Variants in ZBTB20 observed in about 807,000 individuals in gnomAD.
ZBTB20 encodes zinc finger and BTB domain-containing protein 20.
Under a neutral mutation model 56.9 loss-of-function variants are expected in ZBTB20, and 9 were observed. The observed-to-expected ratio is 0.16, with a 90% confidence interval of 0.10 to 0.28. ZBTB20 has a LOEUF of 0.28. Among genes scored for constraint, ZBTB20 ranks in the 10% least tolerant of loss-of-function variants. The pLI, the probability that ZBTB20 is intolerant of heterozygous loss-of-function variation, is 1.00. For synonymous variants in ZBTB20, 417 were observed against 420.7 expected, an observed-to-expected ratio of 0.99 and a Z score of 0.11; for missense variants, 655 against 1,003.0, an observed-to-expected ratio of 0.65 and a Z score of 4.69.
At chr3:114,778,692 G>A (rs2069826024) in intron 5 of ZBTB20, among the ~76,000 whole-genome samples, 1 of 152,132 alleles carries the variant, frequency 6.6e-6, no homozygotes, top group Non-Finnish European at 1.5e-5. Context: ...AAGTAGAAAT[G>A]CTGGCTGCGT....
intron 6 of ZBTB20, among the ~76,000 whole-genome samples, chr3:114,677,860 T>TA (rs2061723452): frequency 6.6e-6 from 1 of 152,220 alleles, no homozygotes; most frequent in Non-Finnish European, 1.5e-5. Context: ...TCTCTCTGCC[T>TA]ACTCTTTCTT....
At chr3:115,068,860 T>G (rs2082302300) in intron 2 of ZBTB20, among the ~76,000 whole-genome samples, 1 of 151,980 alleles carries the variant, frequency 6.6e-6, no homozygotes, top group African/African-American at 2.4e-5. Context: ...TCACTGTAGA[T>G]AGTATTGCAT....
chr3:114,796,195 C>A (rs140114500), intron 5 of ZBTB20, among the ~76,000 whole-genome samples: 1,755 of 151,726 alleles, frequency 0.012, 16 homozygotes, highest in South Asian at 0.042. Context: ...CTGTCCAGGT[C>A]AAGGAAAGAA....
intron 7 of ZBTB20, among the ~76,000 whole-genome samples, chr3:114,404,184 T>C (rs1225746676): frequency 6.6e-6 from 1 of 152,182 alleles, no homozygotes; most frequent in Non-Finnish European, 1.5e-5. Flanking sequence ...CCTTCCTTTC[T>C]TTGTATATCA....
intron 6 of ZBTB20, among the ~76,000 whole-genome samples, chr3:114,573,172 A>T (rs1300598203): frequency 6.6e-6 from 1 of 152,116 alleles, no homozygotes; most frequent in African/African-American, 2.4e-5. Context: ...TTCTAAAGAA[A>T]ATGAGGGCCA....
intron 2 of ZBTB20, among the ~76,000 whole-genome samples, chr3:115,039,204 A>T (rs950356798): frequency 3.5e-4 from 53 of 152,094 alleles, no homozygotes; most frequent in African/African-American, 1.2e-3. Flanking sequence ...GTGATACATG[A>T]CCCAGAAGCA....
chr3:114,516,431 T>C lies in ZBTB20; in HGVS notation c.-294-16040A>G, dbSNP rs58043610. 4.9e-3 allele frequency among the ~76,000 whole-genome samples: 750 copies of C among 152,336 alleles called. 6 individuals are homozygous for C. Among genetic ancestry groups the C allele is most frequent in the African/African-American group, 0.017 (708 of 41,570 alleles). ...TTTAATATTACCACATCAATTTCCA[T>C]ATAGAATCATAAATCTATACGTTAT... On this transcript the variant is annotated intron_variant, in intron 6 of 11. Coordinates refer to ENST00000675478, the MANE Select transcript of ZBTB20 (RefSeq NM_001348800.3).
chr3:115,080,199 A>C (rs72945747), intron 1 of ZBTB20, among the ~76,000 whole-genome samples: 3,228 of 152,284 alleles, frequency 0.021, 47 homozygotes, highest in South Asian at 0.05. Flanking sequence ...CACAATGAAG[A>C]GTTAGCAGTC....
intron 6 of ZBTB20, among the ~76,000 whole-genome samples, chr3:114,542,674 T>C (rs528580273): frequency 6.6e-6 from 1 of 152,350 alleles, no homozygotes; most frequent in East Asian, 1.9e-4. Context: ...ATTTGAGGTC[T>C]AGCAGACTGC....
At chr3:114,993,748 G>A (rs1263288784) in intron 2 of ZBTB20, among the ~76,000 whole-genome samples, 1 of 151,862 alleles carries the variant, frequency 6.6e-6, no homozygotes, top group Non-Finnish European at 1.5e-5. Flanking sequence ...CCTGTGGGAT[G>A]CAGCTAAAGT....
chr3:114,597,203 G>C (rs779916168), intron 6 of ZBTB20, among the ~76,000 whole-genome samples: 1 of 152,116 alleles, frequency 6.6e-6, no homozygotes, highest in Non-Finnish European at 1.5e-5. Flanking sequence ...CAGTCCTACT[G>C]AAAGTAGTGA....
At chr3:114,467,119 A>G (rs1407777955) in intron 7 of ZBTB20, among the ~76,000 whole-genome samples, 1 of 152,236 alleles carries the variant, frequency 6.6e-6, no homozygotes, top group Admixed American at 6.5e-5. Context: ...CAATTTGACT[A>G]GCTTCTAGAC....
chr3:114,593,788 C>A (rs1032608299), intron 6 of ZBTB20, among the ~76,000 whole-genome samples: 1 of 152,116 alleles, frequency 6.6e-6, no homozygotes, highest in African/African-American at 2.4e-5. Flanking sequence ...GTGGGTCTCT[C>A]TGTTGAGTGG....
At chr3:114,887,815 A>G (rs1212929955) in intron 4 of ZBTB20, among the ~76,000 whole-genome samples, 2 of 152,178 alleles carry the variant, frequency 1.3e-5, no homozygotes, top group African/African-American at 4.8e-5. Context: ...CTAGGACTAA[A>G]ACAGAGGAAG....
At chr3:114,401,254 ACT>A (rs1201471993) in intron 7 of ZBTB20, among the ~76,000 whole-genome samples, 2 of 152,188 alleles carry the variant, frequency 1.3e-5, no homozygotes, top group African/African-American at 4.8e-5. Flanking sequence ...TAACCAATAT[ACT>A]TAGCTGAGCT....
chr3:114,778,244 T>TTAATAATAA (rs370933299), intron 5 of ZBTB20, among the ~76,000 whole-genome samples: 91 of 137,878 alleles, frequency 6.6e-4, no homozygotes, highest in Non-Finnish European at 8.0e-4. Context: ...TTAAAGTATG[T>TTAATAATAA]TAATAATAAT....
rs567923070 is a variant in ZBTB20, at chr3:114,753,980, C to A, written c.-343+47121G>T. 4.6e-5 allele frequency among the ~76,000 whole-genome samples: 7 copies of A among 152,230 alleles called. No individual in the cohort carries two copies. The East Asian group carries it at 1.4e-3, about 29-fold the overall frequency. On this transcript the variant is annotated intron_variant, in intron 5 of 11. Transcript: ENST00000675478. Reference sequence around the variant, plus strand: ...TCCCAAAAGGTTTCCAGGAAAACTTCAATCACCAATGAAACTGCAAGCTCT... The same window carrying A: ...TCCCAAAAGGTTTCCAGGAAAACTTAAATCACCAATGAAACTGCAAGCTCT...
At chr3:114,777,167 G>C (rs1560237480) in intron 5 of ZBTB20, among the ~76,000 whole-genome samples, 1 of 152,044 alleles carries the variant, frequency 6.6e-6, no homozygotes. Flanking sequence ...CTATTTTTAA[G>C]GTTTAACCCA....
At chr3:115,010,758 A>T (rs563434381) in intron 2 of ZBTB20, among the ~76,000 whole-genome samples, 32 of 151,926 alleles carry the variant, frequency 2.1e-4, no homozygotes, top group Non-Finnish European at 3.1e-4. Flanking sequence ...AAGCATCAAC[A>T]CCATCCAGGG....
Sources: gnomAD v4.1 joint callset for allele counts (sites outside exome capture counted in the v4.1 genomes callset) on GRCh38, gnomAD v4.1.1 for gene constraint, MANE v1.5 for transcripts, NCBI Gene and HGNC (gene_info 2026-07-23, HGNC 2026-07-21) for gene names.